Variants in TGFBRAP1 observed in about 807,000 individuals in gnomAD.
TGFBRAP1 encodes the protein transforming growth factor beta receptor associated protein 1, also known as transforming growth factor-beta receptor-associated protein 1.
TGFBRAP1 carries 20 observed loss-of-function variants against 83.2 expected under a neutral mutation model. The ratio of observed to expected loss-of-function variants is 0.24; its 90% CI spans 0.17 to 0.35. The LOEUF (loss-of-function observed/expected upper bound fraction) is 0.35. Ranked by LOEUF, TGFBRAP1 falls within the 10% of genes least tolerant of loss-of-function variation. TGFBRAP1 has a pLI of 1.00. For synonymous variants in TGFBRAP1, 415 were observed against 459.8 expected (o/e 0.90, Z 1.25); for missense variants, 950 against 1,099.4 (o/e 0.86, Z 1.92).
chr2:105,303,894 C>T lies in TGFBRAP1; in HGVS notation c.688+3720G>A, dbSNP rs141617332. On this transcript the variant is annotated intron_variant, in intron 2 of 11. Coordinates refer to ENST00000393359, the MANE Select transcript of TGFBRAP1 (RefSeq NM_004257.6). ...GATTGTGGGACACCATACATGAAAC[C>T]ATCCAATTTCTTCAGCAAAAAAAAT... Among the ~76,000 whole-genome samples, 1,108 of 152,174 alleles carry T rather than the reference C, an allele frequency of 7.3e-3. 14 individuals are homozygous for T. Among genetic ancestry groups the T allele is most frequent in the African/African-American group, 0.025 (1,040 of 41,504 alleles).
At chr2:105,301,463 TG>T (rs1200737927) in intron 2 of TGFBRAP1, among the ~76,000 whole-genome samples, 2 of 151,740 alleles carry the variant, frequency 1.3e-5, no homozygotes, top group Non-Finnish European at 2.9e-5. Context: ...GGCACCCACC[TG>T]TAATCCCAGC....
At chr2:105,286,932 T>C (rs570154581) in intron 4 of TGFBRAP1, among the ~76,000 whole-genome samples, 6 of 152,324 alleles carry the variant, frequency 3.9e-5, no homozygotes, top group Non-Finnish European at 8.8e-5. Context: ...AAGCACTTAA[T>C]TCAAAGGGCA....
intron 1 of TGFBRAP1, among the ~76,000 whole-genome samples, chr2:105,322,216 T>C (rs1022745585): frequency 6.6e-6 from 1 of 151,934 alleles, no homozygotes; most frequent in Non-Finnish European, 1.5e-5. Context: ...AGAATAAGCA[T>C]ATAAAGAAAA....
At chr2:105,268,624 G>A (rs963372361) in intron 11 of TGFBRAP1, among the ~76,000 whole-genome samples, 1 of 152,232 alleles carries the variant, frequency 6.6e-6, no homozygotes, top group African/African-American at 2.4e-5. Flanking sequence ...GGGATATGCT[G>A]AAGGAGGTGG....
rs1453902874 is a variant in TGFBRAP1, at chr2:105,265,980, A to G, written c.*1403T>C. 3 of 152,234 alleles carry G rather than the reference A, an allele frequency of 2.0e-5. No individual in the cohort carries two copies. The highest frequency in any genetic ancestry group is 7.2e-5 in the African/African-American group (3 of 41,454). The allele number at this position is 152,234 out of a possible 1,614,324, so 9.4% of individuals were successfully genotyped here. A position where few individuals can be genotyped will look rare whatever the true frequency, so the allele number is the denominator to read the frequency against. On this transcript the variant is annotated 3_prime_UTR_variant, in exon 12 of 12. Transcript: ENST00000393359. ...CAGGGTCCTCTCTTGTCATATGTAC[A>G]AGCTGACGCTTGTTTCCCAAGCATG...
intron 4 of TGFBRAP1, among the ~76,000 whole-genome samples, chr2:105,286,033 T>C (rs1677707663): frequency 6.6e-6 from 1 of 152,192 alleles, no homozygotes; most frequent in Admixed American, 6.5e-5. Context: ...GAATTCTCAA[T>C]CACACCCAGG....
chr2:105,321,130 C>T (rs1679046845), intron 1 of TGFBRAP1, among the ~76,000 whole-genome samples: 1 of 152,068 alleles, frequency 6.6e-6, no homozygotes, highest in African/African-American at 2.4e-5. Flanking sequence ...CTACAATTTA[C>T]AGTTTTTGTA....
Position 105,271,896 on chromosome 2 carries a change from G to A in TGFBRAP1, c.1972+959C>T, listed in dbSNP as rs7558947. Among the ~76,000 whole-genome samples the A allele has an allele frequency of 8.3e-3, 1,269 of 152,232 alleles. 19 individuals carry two copies. Among genetic ancestry groups the A allele is most frequent in the African/African-American group, 0.029 (1,220 of 41,528 alleles). On this transcript the variant is annotated intron_variant, in intron 10 of 11. Coordinates refer to ENST00000393359, the MANE Select transcript of TGFBRAP1 (RefSeq NM_004257.6). ...GCCCTCCTTCCTTGCTTCAGCTGTCGTACTAGCTACACGTTTCCTTTTCAC... is the reference window on the plus strand; with the variant it reads ...GCCCTCCTTCCTTGCTTCAGCTGTCATACTAGCTACACGTTTCCTTTTCAC...
intron 2 of TGFBRAP1, among the ~76,000 whole-genome samples, chr2:105,301,789 T>G (rs893258026): frequency 6.6e-6 from 1 of 152,204 alleles, no homozygotes; most frequent in African/African-American, 2.4e-5. Flanking sequence ...GTGTAGTGCC[T>G]AGTCACAGGC....
At chr2:105,300,204 G>T (rs1420282781) in intron 2 of TGFBRAP1, among the ~76,000 whole-genome samples, 1 of 152,108 alleles carries the variant, frequency 6.6e-6, no homozygotes, top group African/African-American at 2.4e-5. Flanking sequence ...AAGTCTGGTG[G>T]TTACTATGCT....
intron 3 of TGFBRAP1, 78 bp from the exon 4 acceptor site, chr2:105,296,588 G>A: frequency 2.0e-6 from 3 of 1,484,622 alleles, no homozygotes; most frequent in Non-Finnish European, 2.7e-6. Flanking sequence ...CCCCAAACTG[G>A]ATCATTACCT....
the TGFBRAP1 span, among the ~76,000 whole-genome samples, chr2:105,258,471 CT>C: frequency 1.4e-4 from 20 of 147,184 alleles, no homozygotes; most frequent in South Asian, 2.2e-4. Context: ...AGGAATTTGC[CT>C]TTTTTTTTTT....
rs1237032264 is a variant in TGFBRAP1, at chr2:105,298,927, T to C, written c.689-222A>G. Among the ~76,000 whole-genome samples the C allele has an allele frequency of 2.0e-5, 3 of 152,200 alleles. No individual in the cohort carries two copies. In the East Asian group the frequency reaches 5.8e-4, roughly 29 times the overall value. On this transcript the variant is annotated intron_variant, in intron 2 of 11. Transcript: ENST00000393359. ...TACCTTACCCAGAATGTATATCTGA[T>C]ATTTACTTCCAATTAAAAATGAAGT...
chr2:105,307,672 C>A lies in TGFBRAP1; in HGVS notation c.630G>T (p.Pro210=). The change falls in exon 2 of 12, where the codon CCG becomes CCT. Residue 210 remains proline, a synonymous_variant. Coordinates refer to ENST00000393359, the MANE Select transcript of TGFBRAP1 (RefSeq NM_004257.6). ...DLFPYCSEER[P]PIVKRIGRQE... ...GTCTCCCTATCCTCTTGACGATCGG[C>A]GGCCTCTCCTCACTGCAGTAGGGAA... 1 of 1,614,096 alleles carries A rather than the reference C, an allele frequency of 6.2e-7. No individual in the cohort carries two copies. Among genetic ancestry groups the A allele is most frequent in the African/African-American group, 1.3e-5 (1 of 75,032 alleles).
At chr2:105,276,607 A>C (rs1329703928) in intron 7 of TGFBRAP1, among the ~76,000 whole-genome samples, 1 of 152,218 alleles carries the variant, frequency 6.6e-6, no homozygotes, top group Non-Finnish European at 1.5e-5. Flanking sequence ...GATTTATCCC[A>C]TATCACTTCA....
the TGFBRAP1 span, among the ~76,000 whole-genome samples, chr2:105,256,767 A>T: frequency 3.3e-5 from 5 of 152,346 alleles, no homozygotes; most frequent in South Asian, 8.3e-4. Flanking sequence ...ACTGGGCTGC[A>T]TTCCCAGATG....
Position 105,269,581 on chromosome 2 carries a change from G to A in TGFBRAP1, c.2097C>T (p.Tyr699=). 1 of 1,611,052 alleles carries A rather than the reference G, an allele frequency of 6.2e-7. No individual in the cohort carries two copies. The highest frequency in any genetic ancestry group is 8.5e-7 in the Non-Finnish European group (1 of 1,178,466). Residue 699 remains tyrosine (Y), a synonymous_variant, in exon 11 of 12, where the codon TAC becomes TAT. Transcript: ENST00000393359. The surrounding 1 kb of genome is among the most constrained non-coding windows in gnomAD (Gnocchi z 4.1). Reference sequence around the variant, plus strand: ...CTCGGCCCTCGGAGCACCACAGGCAGTAGTCCTCGGCCGCTGCAAAGTCCT... The same window carrying A: ...CTCGGCCCTCGGAGCACCACAGGCAATAGTCCTCGGCCGCTGCAAAGTCCT... ...ELQDFAAAED[Y]CLWCSEGRDP...
At chr2:105,325,023 A>T (rs1472118641) in intron 1 of TGFBRAP1, 2 of 152,230 alleles carry the variant, frequency 1.3e-5, no homozygotes, top group Non-Finnish European at 2.9e-5. Context: ...ATAAAACAGA[A>T]ATTTGGACTG....
intron 1 of TGFBRAP1, among the ~76,000 whole-genome samples, chr2:105,328,220 T>G (rs1679275066): frequency 6.6e-6 from 1 of 152,148 alleles, no homozygotes; most frequent in Non-Finnish European, 1.5e-5. Context: ...GAGGCAGGAT[T>G]TGAACCCACA....
Sources: gnomAD v4.1 joint callset for allele counts (sites outside exome capture counted in the v4.1 genomes callset) on GRCh38, gnomAD v4.1.1 for gene constraint, Gnocchi (gnomAD v3.1) non-coding constraint, MANE v1.5 for transcripts, NCBI Gene and HGNC (gene_info 2026-07-23, HGNC 2026-07-21) for gene names.